The following SMYD3 variants were observed in gnomAD, a reference collection of about 807,000 sequenced individuals.
SMYD3 encodes the protein SET and MYND domain containing 3.
SMYD3 carries 36 observed loss-of-function variants against 57.7 expected under a neutral mutation model. That is an observed-to-expected ratio of 0.62 (90% CI 0.48 to 0.82). The LOEUF (loss-of-function observed/expected upper bound fraction) is 0.82. SMYD3 is among the 40% of genes least tolerant of loss of function. The pLI is 0.00. For synonymous variants in SMYD3, 211 were observed against 195.0 expected, an observed-to-expected ratio of 1.08 and a Z score of -0.68; for missense variants, 515 against 538.8, an observed-to-expected ratio of 0.96 and a Z score of 0.44.
intron 8 of SMYD3, among the ~76,000 whole-genome samples, chr1:245,882,650 G>A (rs540212753): frequency 1.3e-5 from 2 of 152,118 alleles, no homozygotes; most frequent in African/African-American, 2.4e-5. Flanking sequence ...TTCTTATTCA[G>A]TTACACATCT....
intron 5 of SMYD3, among the ~76,000 whole-genome samples, chr1:246,275,953 G>A (rs1434541166): frequency 2.7e-5 from 4 of 150,174 alleles, no homozygotes; most frequent in African/African-American, 9.8e-5. Context: ...TTCACTAGTC[G>A]TATTAACACT....
intron 5 of SMYD3, among the ~76,000 whole-genome samples, chr1:246,107,913 A>C (rs777495024): frequency 1.9e-4 from 29 of 152,266 alleles, no homozygotes; most frequent in Non-Finnish European, 4.0e-4. Flanking sequence ...CCAAACTTAA[A>C]GAAGAAAAAA....
chr1:246,225,370 C>CAAAA (rs2063316100), intron 5 of SMYD3, among the ~76,000 whole-genome samples: 1 of 118,718 alleles, frequency 8.4e-6, no homozygotes, highest in Non-Finnish European at 1.8e-5. Flanking sequence ...GAAAAGACAC[C>CAAAA]AGATTTGGCA....
At chr1:245,921,139 T>C (rs2055894476) in intron 7 of SMYD3, among the ~76,000 whole-genome samples, 1 of 152,208 alleles carries the variant, frequency 6.6e-6, no homozygotes, top group African/African-American at 2.4e-5. Context: ...CAGACACATT[T>C]GAAAAGAAGA....
chr1:245,854,462 A>G (rs1336914283), intron 10 of SMYD3, among the ~76,000 whole-genome samples: 1 of 152,204 alleles, frequency 6.6e-6, no homozygotes, highest in Non-Finnish European at 1.5e-5. Context: ...ATTATGGCAT[A>G]TCCATGAGAT....
intron 1 of SMYD3, among the ~76,000 whole-genome samples, chr1:246,496,431 T>A (rs1215786408): frequency 6.6e-6 from 1 of 152,200 alleles, no homozygotes; most frequent in Non-Finnish European, 1.5e-5. Context: ...ATCTATCTTA[T>A]CCCCTTGTGG....
At chr1:246,432,800 T>A (rs6675899) in intron 1 of SMYD3, among the ~76,000 whole-genome samples, 66,450 of 152,048 alleles carry the variant, frequency 0.44, 15,245 homozygotes, top group Admixed American at 0.54. Context: ...AAGCTTTTTT[T>A]AATAAGTTTT....
chr1:246,249,513 G>GTT (rs747502749), intron 5 of SMYD3, among the ~76,000 whole-genome samples: 19 of 134,722 alleles, frequency 1.4e-4, no homozygotes, highest in South Asian at 3.1e-4. Flanking sequence ...ATGGATCCTA[G>GTT]TTTTTTGTTT....
At chr1:245,857,811 C>A (rs2051328313) in intron 10 of SMYD3, among the ~76,000 whole-genome samples, 2 of 152,248 alleles carry the variant, frequency 1.3e-5, no homozygotes, top group South Asian at 4.1e-4. Context: ...CATCCACCAG[C>A]GCCTAACTCT....
chr1:246,047,844 GA>G (rs33946218), intron 5 of SMYD3, among the ~76,000 whole-genome samples: 11,254 of 146,148 alleles, frequency 0.077, 890 homozygotes, highest in African/African-American at 0.19. Flanking sequence ...GTAGCAGAAG[GA>G]AAAAAAAAAA....
chr1:245,941,239 T>A (rs1392584314), intron 5 of SMYD3, among the ~76,000 whole-genome samples: 1 of 152,040 alleles, frequency 6.6e-6, no homozygotes. Flanking sequence ...TTGGAAAACA[T>A]AACTCAAGGT....
intron 1 of SMYD3, among the ~76,000 whole-genome samples, chr1:246,416,275 A>C (rs537558272): frequency 6.6e-6 from 1 of 152,336 alleles, no homozygotes; most frequent in East Asian, 1.9e-4. Context: ...TAATCAATTT[A>C]TAGGTTGGAA....
At chr1:246,166,510 T>C (rs1337754222) in intron 5 of SMYD3, among the ~76,000 whole-genome samples, 1 of 152,168 alleles carries the variant, frequency 6.6e-6, no homozygotes, top group Non-Finnish European at 1.5e-5. Flanking sequence ...TTGCTGAGTG[T>C]CTGCTAAATC....
At chr1:245,993,992 T>C (rs1279081667) in intron 5 of SMYD3, among the ~76,000 whole-genome samples, 1 of 152,214 alleles carries the variant, frequency 6.6e-6, no homozygotes, top group East Asian at 1.9e-4. Flanking sequence ...AAAATCCCCA[T>C]GGTTAATCGC....
At chr1:246,194,430 G>A (rs143404716) in intron 5 of SMYD3, among the ~76,000 whole-genome samples, 129 of 152,086 alleles carry the variant, frequency 8.5e-4, no homozygotes, top group African/African-American at 2.1e-3. Flanking sequence ...CATCATGCCC[G>A]GCTAATTTTT....
At chr1:246,268,360 T>C (rs948958110) in intron 5 of SMYD3, among the ~76,000 whole-genome samples, 15 of 152,160 alleles carry the variant, frequency 9.9e-5, no homozygotes, top group African/African-American at 3.4e-4. Flanking sequence ...CTATATGATC[T>C]AAAAAGGGGA....
intron 5 of SMYD3, among the ~76,000 whole-genome samples, chr1:246,231,303 G>A (rs561486434): frequency 5.3e-4 from 81 of 152,212 alleles, no homozygotes; most frequent in African/African-American, 1.9e-3. Context: ...TGTAATAAAC[G>A]GGTTGTCCAG....
At chr1:246,327,992 G>A (rs560008122) in intron 4 of SMYD3, among the ~76,000 whole-genome samples, 5 of 152,176 alleles carry the variant, frequency 3.3e-5, no homozygotes, top group South Asian at 4.2e-4. Context: ...TCAGTAGTTC[G>A]AGAGCAGCCT....
At chr1:245,841,992 C>A (rs2050424977) in intron 10 of SMYD3, among the ~76,000 whole-genome samples, 1 of 152,130 alleles carries the variant, frequency 6.6e-6, no homozygotes, top group Non-Finnish European at 1.5e-5. Flanking sequence ...TTTACATACA[C>A]AAATACCTGC....
Sources: allele counts gnomAD v4.1 joint callset (sites outside exome capture counted in the v4.1 genomes callset), GRCh38; gene constraint gnomAD v4.1.1; transcripts MANE v1.5; gene names NCBI Gene and HGNC (gene_info 2026-07-23, HGNC 2026-07-21).